The following RBFOX3 variants were observed in gnomAD, a reference collection of about 807,000 sequenced individuals.
RBFOX3 encodes the protein RNA binding fox-1 homolog 3.
In RBFOX3, 17 loss-of-function variants were observed where a neutral mutation model predicts 48.7. The ratio of observed to expected loss-of-function variants is 0.35; its 90% CI spans 0.24 to 0.52. RBFOX3 has a LOEUF of 0.52. Ranked by LOEUF, RBFOX3 falls within the 20% of genes least tolerant of loss-of-function variation. RBFOX3 has a pLI of 0.94. For missense variants in RBFOX3, 382 were observed against 497.5 expected, an observed-to-expected ratio of 0.77 and a Z score of 2.21; for synonymous variants, 212 against 209.5, an observed-to-expected ratio of 1.01 and a Z score of -0.10.
At chr17:79,645,180 C>A in the RBFOX3 span, among the ~76,000 whole-genome samples, 1 of 152,304 alleles carries the variant, frequency 6.6e-6, no homozygotes, top group African/African-American at 2.4e-5. Context: ...CCCACATCCA[C>A]ACCCCGCCTT....
chr17:79,225,246 C>T (rs1322004542), intron 4 of RBFOX3, among the ~76,000 whole-genome samples: 5 of 151,744 alleles, frequency 3.3e-5, no homozygotes, highest in African/African-American at 7.3e-5. Context: ...GGGCATCTCT[C>T]GCTGGCCAGT....
chr17:79,450,398 A>G (rs1568272519), intron 2 of RBFOX3, among the ~76,000 whole-genome samples: 1 of 152,172 alleles, frequency 6.6e-6, no homozygotes, highest in Non-Finnish European at 1.5e-5. Flanking sequence ...CTCCCTACAG[A>G]TGTGAAGAGG....
intron 4 of RBFOX3, among the ~76,000 whole-genome samples, chr17:79,153,934 A>C: frequency 6.6e-6 from 1 of 151,856 alleles, no homozygotes. Flanking sequence ...CGCAGACCCT[A>C]CTGTCTTGAG....
intron 2 of RBFOX3, among the ~76,000 whole-genome samples, chr17:79,317,363 C>G (rs74780362): frequency 0.054 from 8,279 of 152,316 alleles, 645 homozygotes; most frequent in African/African-American, 0.17. Flanking sequence ...GGCCTTGGCT[C>G]AGACCCACAC....
At chr17:79,579,774 C>T (rs1441519011) in intron 1 of RBFOX3, among the ~76,000 whole-genome samples, 4 of 133,518 alleles carry the variant, frequency 3.0e-5, no homozygotes, top group South Asian at 2.6e-4. Flanking sequence ...GTGTCACTGG[C>T]GCCGTGGTGG....
the RBFOX3 span, among the ~76,000 whole-genome samples, chr17:79,628,306 T>C: frequency 1 from 152,216 of 152,270 alleles, 76,081 homozygotes; most frequent in Middle Eastern, 1. Flanking sequence ...CCCAATGCGC[T>C]TCCTGCTCAG....
chr17:79,567,527 C>A (rs1052754436), intron 1 of RBFOX3, among the ~76,000 whole-genome samples: 1 of 152,156 alleles, frequency 6.6e-6, no homozygotes. Flanking sequence ...TTTAACATGA[C>A]GTCCTCCAGA....
chr17:79,419,842 A>C (rs550946688), intron 2 of RBFOX3, among the ~76,000 whole-genome samples: 1 of 152,278 alleles, frequency 6.6e-6, no homozygotes, highest in African/African-American at 2.4e-5. Flanking sequence ...GATGGTTAAC[A>C]GGGGCCGGGC....
At chr17:79,237,066 G>T (rs1226300535) in intron 3 of RBFOX3, among the ~76,000 whole-genome samples, 1 of 152,160 alleles carries the variant, frequency 6.6e-6, no homozygotes. Flanking sequence ...GCTCTCTGAT[G>T]CCTGAACCTT....
chr17:79,572,607 G>A (rs1474750136), intron 1 of RBFOX3, among the ~76,000 whole-genome samples: 3 of 152,216 alleles, frequency 2.0e-5, no homozygotes, highest in Non-Finnish European at 2.9e-5. Context: ...TGGGAGCTGA[G>A]CCCTTTCCCC....
intron 3 of RBFOX3, among the ~76,000 whole-genome samples, chr17:79,266,300 A>G (rs1272667363): frequency 6.6e-6 from 1 of 152,182 alleles, no homozygotes; most frequent in Non-Finnish European, 1.5e-5. Flanking sequence ...CTTGAAGGGA[A>G]GTGTCCTCAT....
intron 2 of RBFOX3, among the ~76,000 whole-genome samples, chr17:79,328,596 C>A (rs567900565): frequency 1.3e-5 from 2 of 152,314 alleles, no homozygotes; most frequent in Admixed American, 6.5e-5. Flanking sequence ...CTGCTGACAG[C>A]CCCCAGGTCT....
chr17:79,262,337 G>A (rs889780029), intron 3 of RBFOX3, among the ~76,000 whole-genome samples: 4 of 152,256 alleles, frequency 2.6e-5, no homozygotes, highest in African/African-American at 9.6e-5. Flanking sequence ...GGGTGGCCAG[G>A]ACTGGCCTGG....
In RBFOX3 at chr17:79,522,527, G is replaced by T. The variant is rs935392292; in HGVS notation, c.-319-39929C>A. 1.3e-3 allele frequency among the ~76,000 whole-genome samples: 203 copies of T among 152,158 alleles called. 6 individuals carry two copies. The East Asian group carries it at 0.032, about 24-fold the overall frequency. ...ATTTGGGTGTTTTGAGAGATCCTTA[G>T]TTGTATTAAGACGGCATCACATTTA... On this transcript the variant is annotated intron_variant, in intron 1 of 14. Transcript: ENST00000693108.
At chr17:79,125,272 C>G (rs79281643) in intron 4 of RBFOX3, among the ~76,000 whole-genome samples, 3,826 of 152,214 alleles carry the variant, frequency 0.025, 167 homozygotes, top group African/African-American at 0.088. Flanking sequence ...TCTGGGTGTA[C>G]ATGTCCTTGG....
chr17:79,632,732 C>T, the RBFOX3 span, among the ~76,000 whole-genome samples: 3 of 130,300 alleles, frequency 2.3e-5, no homozygotes, highest in South Asian at 2.4e-4. Context: ...AGCAAGACCA[C>T]GTATCTACTA....
intron 4 of RBFOX3, among the ~76,000 whole-genome samples, chr17:79,142,242 C>T (rs56172020): frequency 0.035 from 5,397 of 152,266 alleles, 124 homozygotes; most frequent in Non-Finnish European, 0.051. Flanking sequence ...TCCCGGTCCC[C>T]GGCCTCTGGC....
upstream of RBFOX3, among the ~76,000 whole-genome samples, chr17:79,613,403 C>T (rs2093982403): frequency 6.6e-6 from 1 of 152,252 alleles, no homozygotes. Flanking sequence ...AGACAGGGAT[C>T]TGGCCGGAAG....
intron 2 of RBFOX3, among the ~76,000 whole-genome samples, chr17:79,455,995 G>A (rs1423700936): frequency 6.6e-6 from 1 of 151,836 alleles, no homozygotes; most frequent in African/African-American, 2.4e-5. Flanking sequence ...TCACACTGAC[G>A]AGGCTCCACC....
Sources: allele counts gnomAD v4.1 joint callset (sites outside exome capture counted in the v4.1 genomes callset), GRCh38; gene constraint gnomAD v4.1.1; transcripts MANE v1.5; gene names NCBI Gene and HGNC (gene_info 2026-07-23, HGNC 2026-07-21).